Variants in TMX2 observed in about 807,000 individuals in gnomAD.
TMX2 encodes thioredoxin related transmembrane protein 2.
Under a neutral mutation model 33.4 loss-of-function variants are expected in TMX2, and 20 were observed. The observed-to-expected ratio is 0.60, with a 90% CI of 0.42 to 0.87. The LOEUF is 0.87. TMX2 is among the 40% of genes least tolerant of loss of function. The pLI is 0.00. For synonymous variants in TMX2, 166 were observed against 140.7 expected, an observed-to-expected ratio of 1.18 and a Z score of -1.27; for missense variants, 340 against 370.7, an observed-to-expected ratio of 0.92 and a Z score of 0.68.
rs771288009 is a variant in TMX2 at position 57,738,705 on chromosome 11, G to A, written c.483G>A (p.Glu161=). Reference sequence around the variant, plus strand: ...ACAAGAGGGTCACTTGGATTGTGGAGTTCTTTGCCAATTGGTCTAATGACT... The same window carrying A: ...ACAAGAGGGTCACTTGGATTGTGGAATTCTTTGCCAATTGGTCTAATGACT... ...ERDKRVTWIV[E]FFANWSNDCQ... Residue 161 remains glutamate (E), a synonymous_variant, in exon 5 of 8, where the codon GAG becomes GAA. Transcript: ENST00000278422. 9.9e-6 allele frequency: 16 copies of A among 1,614,130 alleles called. No homozygotes were observed. The Admixed American group carries it at 1.8e-4, about 18-fold the overall frequency.
In TMX2 at chr11:57,738,390, G is replaced by C; in HGVS notation, c.401G>C (p.Gly134Ala). 6.2e-7 allele frequency: 1 copy of C among 1,612,316 alleles called. No individual in the cohort carries two copies. The highest frequency in any genetic ancestry group is 8.5e-7 in the Non-Finnish European group (1 of 1,178,514). Residue 134 changes from glycine (G) to alanine (A), a missense_variant, in exon 4 of 8, where the codon GGC becomes GCC. This residue lies in a region of TMX2 where 209 missense variants were observed against 241.6 expected (regional missense o/e 0.87). Transcript: ENST00000278422. ...ACGTGCAAACCCCCCCTATATATGG[G>C]CCCTGAGTATATCAAGTACTTCAAT... ...LMTCKPPLYMGPEYIKYFNDK... is the reference protein window; with the variant it reads ...LMTCKPPLYMAPEYIKYFNDK...
At chr11:57,735,134 AAAAG>A (rs943231124) in intron 1 of TMX2, among the ~76,000 whole-genome samples, 1 of 152,062 alleles carries the variant, frequency 6.6e-6, no homozygotes, top group African/African-American at 2.4e-5. Context: ...CGTCTCAAAA[AAAAG>A]AAAAAATCTT....
chr11:57,734,157 C>CCA (rs1249685673), intron 1 of TMX2, among the ~76,000 whole-genome samples: 5 of 49,738 alleles, frequency 1.0e-4, no homozygotes, highest in Non-Finnish European at 1.5e-4. Flanking sequence ...ACCCTGTCTC[C>CCA]AAAAAAAAAA....
intron 1 of TMX2, among the ~76,000 whole-genome samples, chr11:57,735,735 A>T (rs78784649): frequency 6.6e-6 from 1 of 152,180 alleles, no homozygotes; most frequent in Non-Finnish European, 1.5e-5. Context: ...GTTGAGCTTC[A>T]TATCTGTCCA....
At chr11:57,714,703 C>T (rs1946865670) in intron 1 of TMX2, among the ~76,000 whole-genome samples, 1 of 152,038 alleles carries the variant, frequency 6.6e-6, no homozygotes, top group Non-Finnish European at 1.5e-5. Flanking sequence ...AGCCATCCTG[C>T]CACCTCAGCT....
At chr11:57,738,310 T>C in intron 3 of TMX2, 44 bp from the exon 4 acceptor site, 2 of 1,440,656 alleles carry the variant, frequency 1.4e-6, no homozygotes, top group Non-Finnish European at 1.9e-6. Context: ...ATTCCCTGTG[T>C]AAGGCTTTTT....
At chr11:57,734,157 CAAAAAAAAAAA>C (rs60802364) in intron 1 of TMX2, among the ~76,000 whole-genome samples, 9 of 49,766 alleles carry the variant, frequency 1.8e-4, no homozygotes, top group South Asian at 3.4e-3. Context: ...ACCCTGTCTC[CAAAAAAAAAAA>C]AAAAAAAAAA....
At chr11:57,729,370 A>C (rs1481333078) in intron 1 of TMX2, among the ~76,000 whole-genome samples, 1 of 152,100 alleles carries the variant, frequency 6.6e-6, no homozygotes, top group Non-Finnish European at 1.5e-5. Flanking sequence ...TTCGACTGAG[A>C]TAAAAACCAC....
chr11:57,718,518 C>T (rs535274294), intron 1 of TMX2: 56 of 759,316 alleles, frequency 7.4e-5, no homozygotes, highest in African/African-American at 4.6e-4. Flanking sequence ...TCAAAGAACA[C>T]GGGGTTGACC....
rs1381900076 is a variant in TMX2 at position 57,716,591 on chromosome 11, C to T, written c.189+3784C>T. 7.8e-3 allele frequency among the ~76,000 whole-genome samples: 985 copies of T among 125,960 alleles called. 10 individuals are homozygous for T. The highest frequency in any genetic ancestry group is 0.029 in the African/African-American group (915 of 31,460). 82.6% of individuals were successfully genotyped at this position (125,960 alleles called of 152,430 possible). On this transcript the variant is annotated intron_variant, in intron 1 of 7. Transcript: ENST00000278422. ...GGGCTGACCCCACCTCCCTCCCGGA[C>T]GGGGCGGCTGGCCGGGTGGGGGGCT...
intron 1 of TMX2, among the ~76,000 whole-genome samples, chr11:57,714,528 T>C (rs1178124977): frequency 2.6e-5 from 4 of 152,204 alleles, no homozygotes; most frequent in Non-Finnish European, 2.9e-5. Flanking sequence ...TGTGGTGATT[T>C]TTTTTTCAAA....
At chr11:57,734,184 A>C (rs1035359134) in intron 1 of TMX2, among the ~76,000 whole-genome samples, 18 of 148,874 alleles carry the variant, frequency 1.2e-4, no homozygotes, top group African/African-American at 4.3e-4. Context: ...AAAAAAAAAA[A>C]AAAGGACTGC....
At chr11:57,715,673 T>C (rs11825401) in intron 1 of TMX2, among the ~76,000 whole-genome samples, 2 of 149,646 alleles carry the variant, frequency 1.3e-5, no homozygotes, top group African/African-American at 2.5e-5. Flanking sequence ...GAGGGAAGGT[T>C]GGCAGATAAA....
At chr11:57,713,052 C>T (rs767949413) in intron 1 of TMX2, among the ~76,000 whole-genome samples, 36 of 152,154 alleles carry the variant, frequency 2.4e-4, no homozygotes, top group Non-Finnish European at 2.6e-4. Context: ...CTGTTGAGTC[C>T]AGGTTTCTTT....
At chr11:57,730,505 G>A (rs1450063000) in intron 1 of TMX2, among the ~76,000 whole-genome samples, 1 of 149,470 alleles carries the variant, frequency 6.7e-6, no homozygotes, top group Non-Finnish European at 1.5e-5. Context: ...GGGAGGCCGA[G>A]GCGGGCAGAT....
In TMX2 at chr11:57,715,971, C is replaced by T. The variant is rs1014302841; in HGVS notation, c.189+3164C>T. On this transcript the variant is annotated intron_variant, in intron 1 of 7. Transcript: ENST00000278422. The stretch of plus-strand genomic sequence containing the variant: ...GTACAGAACAAAATGAAAAGTTTCC[C>T]GTGTCTACTTCTTTCTACACAGACA... Among the ~76,000 whole-genome samples the T allele has an allele frequency of 5.3e-5, 8 of 152,216 alleles. 1 individual carries two copies. Among genetic ancestry groups the T allele is most frequent in the African/African-American group, 1.7e-4 (7 of 41,448 alleles).
rs1314634519 is a variant in TMX2, at chr11:57,712,745, C to T, written c.127C>T (p.Pro43Ser). Reference sequence around the variant, plus strand: ...TGCCTTCCTACTCGTGAGGAAACTGCCGCCGCTCTGCCACGGTCTGCCCAC... The same window carrying T: ...TGCCTTCCTACTCGTGAGGAAACTGTCGCCGCTCTGCCACGGTCTGCCCAC... Reference protein sequence around the residue: ...SAAFLLVRKLPPLCHGLPTQR... With the variant: ...SAAFLLVRKLSPLCHGLPTQR... Residue 43 changes from proline (P) to serine (S), a missense_variant, in exon 1 of 8, where the codon CCG becomes TCG. This residue lies in a region of TMX2 where 106 missense variants were observed against 82.7 expected (regional missense o/e 1.28). Coordinates refer to ENST00000278422, the MANE Select transcript of TMX2 (RefSeq NM_015959.4). The T allele has an allele frequency of 8.1e-6, 13 of 1,614,070 alleles. No individual in the cohort carries two copies. Among genetic ancestry groups the T allele is most frequent in the Non-Finnish European group, 1.0e-5 (12 of 1,180,044 alleles).
intron 1 of TMX2, among the ~76,000 whole-genome samples, chr11:57,713,624 A>G (rs1946784146): frequency 6.6e-6 from 1 of 152,212 alleles, no homozygotes; most frequent in Admixed American, 6.5e-5. Flanking sequence ...ATCAACCGAC[A>G]AAGGGCACAT....
At chr11:57,718,653 CTTTTTTTT>C (rs35097323) in intron 1 of TMX2, 3 of 208,552 alleles carry the variant, frequency 1.4e-5, no homozygotes, top group South Asian at 5.1e-5. Flanking sequence ...AACCCCCCCT[CTTTTTTTT>C]TTTTTTTTTT....
Sources: gnomAD v4.1 joint callset for allele counts (sites outside exome capture counted in the v4.1 genomes callset) on GRCh38, gnomAD v4.1.1 for gene constraint, gnomAD v4.1.1 regional missense constraint, MANE v1.5 for transcripts, NCBI Gene and HGNC (gene_info 2026-07-23, HGNC 2026-07-21) for gene names.